The following NHSL1 variants were observed in gnomAD, a reference collection of about 807,000 sequenced individuals.
NHSL1 encodes the protein NHS like 1.
NHSL1 carries 48 observed loss-of-function variants against 95.0 expected under a neutral mutation model. The ratio of observed to expected loss-of-function variants is 0.51; its 90% CI spans 0.40 to 0.64. The LOEUF (loss-of-function observed/expected upper bound fraction) is 0.64, where lower values mean the gene tolerates loss of function less well. Among genes scored for constraint, NHSL1 ranks in the 30% least tolerant of loss-of-function variants. NHSL1 has a pLI of 0.00. For missense variants in NHSL1, 1,971 were observed against 2,077.7 expected (o/e 0.95, Z 1.00); for synonymous variants, 783 against 833.9 (o/e 0.94, Z 1.05).
At chr6:138,468,334 T>C (rs1006021396) in intron 3 of NHSL1, among the ~76,000 whole-genome samples, 2 of 152,224 alleles carry the variant, frequency 1.3e-5, no homozygotes, top group African/African-American at 4.8e-5. Flanking sequence ...AATAACATGC[T>C]GTAGCCTAGG....
At chr6:138,613,056 C>T (rs1434960085) in intron 1 of NHSL1, among the ~76,000 whole-genome samples, 1 of 152,154 alleles carries the variant, frequency 6.6e-6, no homozygotes, top group Non-Finnish European at 1.5e-5. Context: ...AACCACCACA[C>T]CAGGCCCATT....
intron 1 of NHSL1, among the ~76,000 whole-genome samples, chr6:138,583,538 C>A (rs924627509): frequency 5.9e-5 from 9 of 152,138 alleles, no homozygotes; most frequent in African/African-American, 1.9e-4. Flanking sequence ...CCCGTCACAT[C>A]TGAAATTATG....
chr6:138,591,768 G>A (rs568137272), intron 1 of NHSL1, among the ~76,000 whole-genome samples: 7 of 152,180 alleles, frequency 4.6e-5, no homozygotes, highest in South Asian at 2.1e-4. Flanking sequence ...GTTCTAAGTC[G>A]CGTGATGAAA....
chr6:138,685,665 C>T (rs1785576051), intron 1 of NHSL1, among the ~76,000 whole-genome samples: 1 of 151,900 alleles, frequency 6.6e-6, no homozygotes, highest in African/African-American at 2.4e-5. Context: ...GCCTAAGCAA[C>T]ACAGTGAGAC....
intron 1 of NHSL1, chr6:138,691,980 G>T (rs1486876856): frequency 4.4e-6 from 2 of 456,706 alleles, no homozygotes; most frequent in Non-Finnish European, 8.8e-6. Flanking sequence ...TAGGCGGCGG[G>T]AAGAGAGGTG....
rs567880795 is a variant in NHSL1, at chr6:138,552,734, T to A, written c.202+18976A>T. ...GGCTTAGATAACCTTCCAGCCTCTT[T>A]CGGTTGCCCTTAGCTGTGGCAAGCT... On this transcript the variant is annotated intron_variant, in intron 1 of 6. Transcript: ENST00000427025. Among the ~76,000 whole-genome samples, 156 of 152,294 alleles carry A rather than the reference T, an allele frequency of 1.0e-3. 1 individual carries two copies. The highest frequency in any genetic ancestry group is 3.6e-3 in the African/African-American group (148 of 41,576).
Position 138,483,547 on chromosome 6 carries a change from C to A in NHSL1, c.212-10114G>T, listed in dbSNP as rs190923756. 1.3e-3 allele frequency among the ~76,000 whole-genome samples: 197 copies of A among 152,340 alleles called. 1 individual carries two copies. Among genetic ancestry groups the A allele is most frequent in the African/African-American group, 4.3e-3 (178 of 41,578 alleles). ...TTCTTACATTTATTTTAACATTCCA[C>A]TCCAGCTGCAACTGCAGGGAAAACT... On this transcript the variant is annotated intron_variant, in intron 2 of 7. Transcript: ENST00000343505.
chr6:138,586,318 C>T (rs1376251929), intron 1 of NHSL1, among the ~76,000 whole-genome samples: 1 of 152,132 alleles, frequency 6.6e-6, no homozygotes, highest in Admixed American at 6.5e-5. Context: ...TGGTCTCGAA[C>T]TCCTGATCTC....
chr6:138,610,161 G>A (rs1784490571), intron 1 of NHSL1, among the ~76,000 whole-genome samples: 1 of 152,148 alleles, frequency 6.6e-6, no homozygotes, highest in Non-Finnish European at 1.5e-5. Flanking sequence ...CAAAACGTGA[G>A]GAGCAAGAAA....
rs563802000 is a variant in NHSL1, at chr6:138,477,039, A to G, written c.212-3606T>C. Among the ~76,000 whole-genome samples the G allele has an allele frequency of 2.0e-5, 3 of 151,284 alleles. No homozygotes were observed. The South Asian group carries it at 6.3e-4, about 32-fold the overall frequency. On this transcript the variant is annotated intron_variant, in intron 2 of 7. Coordinates refer to ENST00000343505, the MANE Select transcript of NHSL1 (RefSeq NM_001144060.2). Reference sequence around the variant, plus strand: ...TTTAAGACAATGAGGGACTTAATTTATTAACTTATGCTGCTAAATTAACTT... The same window carrying G: ...TTTAAGACAATGAGGGACTTAATTTGTTAACTTATGCTGCTAAATTAACTT...
Position 138,512,974 on chromosome 6 carries a change from G to A in NHSL1, c.17-16603C>T, listed in dbSNP as rs566779637. ...AAATGCACCTACCCTCAATCTGTTC[G>A]TGCTCTGCCATCAGTTACCCAGACC... On this transcript the variant is annotated intron_variant, in intron 1 of 4. Transcript: ENST00000342260. 4.7e-4 allele frequency among the ~76,000 whole-genome samples: 71 copies of A among 152,106 alleles called. No individual in the cohort carries two copies. The South Asian group carries it at 0.013, about 28-fold the overall frequency.
intron 1 of NHSL1, among the ~76,000 whole-genome samples, chr6:138,664,601 G>C (rs1181312043): frequency 6.6e-6 from 1 of 152,212 alleles, no homozygotes; most frequent in African/African-American, 2.4e-5. Flanking sequence ...CTCTAGCTAT[G>C]TGAAAATCTG....
intron 1 of NHSL1, among the ~76,000 whole-genome samples, chr6:138,615,032 A>G (rs1784560860): frequency 6.7e-6 from 1 of 148,986 alleles, no homozygotes; most frequent in African/African-American, 2.6e-5. Flanking sequence ...CAAATGGCAA[A>G]GCTGGAATTT....
In NHSL1 at chr6:138,477,237, C is replaced by T. The variant is rs530614551; in HGVS notation, c.212-3804G>A. ...CAAATATAGAGAGAAGTCCAAAGCCCTTTTAAACTAAATTAATTTGTTGTT... is the reference window on the plus strand; with the variant it reads ...CAAATATAGAGAGAAGTCCAAAGCCTTTTTAAACTAAATTAATTTGTTGTT... On this transcript the variant is annotated intron_variant, in intron 2 of 7. Transcript: ENST00000343505. 3.9e-5 allele frequency among the ~76,000 whole-genome samples: 6 copies of T among 152,242 alleles called. No homozygotes were observed. In the East Asian group the frequency reaches 1.2e-3, roughly 29 times the overall value.
intron 1 of NHSL1, among the ~76,000 whole-genome samples, chr6:138,590,263 G>T (rs1462260652): frequency 6.6e-6 from 1 of 152,204 alleles, no homozygotes; most frequent in Admixed American, 6.5e-5. Context: ...CTCCAAAAGT[G>T]CTGGGATTCC....
intron 1 of NHSL1, among the ~76,000 whole-genome samples, chr6:138,628,534 T>C (rs1247924735): frequency 1.3e-5 from 2 of 152,184 alleles, no homozygotes; most frequent in African/African-American, 4.8e-5. Flanking sequence ...AAATTCCATT[T>C]CAGTATTTTA....
chr6:138,496,771 G>A (rs1372809745), intron 1 of NHSL1, among the ~76,000 whole-genome samples: 1 of 152,174 alleles, frequency 6.6e-6, no homozygotes, highest in Non-Finnish European at 1.5e-5. Context: ...AACAGTAAAT[G>A]TTAGACTGTC....
chr6:138,692,896 G>T (rs984827235), upstream of NHSL1, among the ~76,000 whole-genome samples: 1 of 150,908 alleles, frequency 6.6e-6, no homozygotes, highest in African/African-American at 2.4e-5. This position sits in a 1 kb window ranked among gnomAD's most constrained non-coding sequence, Gnocchi z 4.0. Flanking sequence ...GCCCCTGCCC[G>T]CAGGGGAGAG....
At chr6:138,496,416 G>T (rs1360801708) in intron 1 of NHSL1, 45 bp from the exon 2 acceptor site, 16 of 1,536,530 alleles carry the variant, frequency 1.0e-5, no homozygotes, top group African/African-American at 1.4e-5. Context: ...AACTTCATTG[G>T]CTACGAGTTC....
Sources: allele counts gnomAD v4.1 joint callset (sites outside exome capture counted in the v4.1 genomes callset), GRCh38; gene constraint gnomAD v4.1.1; non-coding constraint Gnocchi (gnomAD v3.1); transcripts MANE v1.5; gene names NCBI Gene and HGNC (gene_info 2026-07-23, HGNC 2026-07-21).